Variants in LRP5 observed in about 807,000 individuals in gnomAD.
The protein encoded by LRP5 is low-density lipoprotein receptor-related protein 5.
LRP5 carries 62 observed loss-of-function variants against 154.1 expected under a neutral mutation model. The ratio of observed to expected loss-of-function variants is 0.40; its 90% CI spans 0.33 to 0.50. The LOEUF (loss-of-function observed/expected upper bound fraction) is 0.50, where lower values mean the gene tolerates loss of function less well. Among genes scored for constraint, LRP5 ranks in the 20% least tolerant of loss-of-function variants. LRP5 has a pLI of 0.55. For missense variants in LRP5, 1,915 were observed against 2,336.7 expected (o/e 0.82, Z 3.72); for synonymous variants, 966 against 1,011.5 (o/e 0.96, Z 0.85).
chr11:68,357,965 A>G, intron 3 of LRP5, 118 bp downstream of exon 3: 5 of 963,550 alleles, frequency 5.2e-6, no homozygotes, highest in Non-Finnish European at 6.4e-6. Context: ...GCCCTGAGGA[A>G]TGCAGGACTT....
chr11:68,386,780 C>G lies in LRP5; in HGVS notation c.1412+68C>G. ...AAGCACAGGCGAGAGGGAGATTGAC[C>G]TGGACCTGTCATTCTGGGACACTGT... On this transcript the variant is annotated intron_variant, in intron 6 of 22. Coordinates refer to ENST00000294304, the MANE Select transcript of LRP5 (RefSeq NM_002335.4). The surrounding 1 kb of genome is among the most constrained non-coding windows in gnomAD (Gnocchi z 7.9). 2 of 1,514,470 alleles carry G rather than the reference C, an allele frequency of 1.3e-6. No individual in the cohort carries two copies. The highest frequency in any genetic ancestry group is 3.9e-5 in the Admixed American group (2 of 50,924). 93.8% of individuals were successfully genotyped at this position (1,514,470 alleles called of 1,614,324 possible).
chr11:68,307,388 C>T, the LRP5 span, among the ~76,000 whole-genome samples: 1 of 151,454 alleles, frequency 6.6e-6, no homozygotes, highest in Non-Finnish European at 1.5e-5. Flanking sequence ...GATTATAGGC[C>T]GGGGGGTGGC....
chr11:68,448,539 C>T (rs1279340623), intron 22 of LRP5, among the ~76,000 whole-genome samples: 3 of 152,230 alleles, frequency 2.0e-5, no homozygotes, highest in Non-Finnish European at 4.4e-5. Flanking sequence ...CTAGAGGCCT[C>T]GTTCTCCTTA....
intron 5 of LRP5, among the ~76,000 whole-genome samples, chr11:68,381,315 G>T (rs1320791008): frequency 6.6e-6 from 1 of 152,332 alleles, no homozygotes; most frequent in East Asian, 1.9e-4. Flanking sequence ...CACCTGGTTG[G>T]TGGCGATGTG....
Position 68,416,671 on chromosome 11 carries a change from G to A in LRP5, c.3027+144G>A, listed in dbSNP as rs537161416. On this transcript the variant is annotated intron_variant, in intron 13 of 22. Coordinates refer to ENST00000294304, the MANE Select transcript of LRP5 (RefSeq NM_002335.4). ...TGATGACTTGGGCTTCGATTATGTA[G>A]TCACAGGGTATGACCCTGAGATGCG... The A allele has an allele frequency of 3.5e-5, 27 of 765,804 alleles. No homozygotes were observed. The East Asian group carries it at 6.2e-4, about 18-fold the overall frequency. 47.4% of individuals were successfully genotyped at this position (765,804 alleles called of 1,614,324 possible).
At chr11:68,384,394 A>G (rs781379928) in intron 5 of LRP5, among the ~76,000 whole-genome samples, 6 of 152,152 alleles carry the variant, frequency 3.9e-5, no homozygotes, top group Non-Finnish European at 7.4e-5. Flanking sequence ...GCCCCTTTGC[A>G]GATTGTGACC....
In LRP5 at chr11:68,390,063, T is replaced by C. The variant is rs1361551650; in HGVS notation, c.1584+11T>C. 6.2e-7 allele frequency: 1 copy of C among 1,614,144 alleles called. No homozygotes were observed. The highest frequency in any genetic ancestry group is 8.5e-7 in the Non-Finnish European group (1 of 1,179,990). On this transcript the variant is annotated intron_variant, in intron 7 of 22. Transcript: ENST00000294304. The stretch of plus-strand genomic sequence containing the variant: ...ACAGACAAGATCGAGGTGAGGCTCC[T>C]GTGGACATGTTTGATCCAGGAGGCC...
intron 21 of LRP5, chr11:68,445,537 G>C: frequency 8.2e-7 from 1 of 1,218,642 alleles, no homozygotes; most frequent in Non-Finnish European, 1.1e-6. Context: ...GAGTCCCTCG[G>C]GCATAACTGA....
chr11:68,365,798 A>C lies in LRP5; in HGVS notation c.1015+96A>C. The stretch of plus-strand genomic sequence containing the variant: ...GGGTGCCCCAGAAGGAACCTCGGCA[A>C]ACCCGTTCGAAATGATCCACTTGGC... On this transcript the variant is annotated intron_variant, in intron 5 of 22. Coordinates refer to ENST00000294304, the MANE Select transcript of LRP5 (RefSeq NM_002335.4). 5 of 1,267,368 alleles carry C rather than the reference A, an allele frequency of 3.9e-6. 1 individual carries two copies. In the Admixed American group the frequency reaches 1.2e-4, roughly 30 times the overall value. The allele number at this position is 1,267,368 out of a possible 1,614,324, so 78.5% of individuals were successfully genotyped here.
At position 68,333,157 on chromosome 11, in the gene LRP5, G is replaced by C. The variant is rs576813282; in HGVS notation, c.92-14690G>C. On this transcript the variant is annotated intron_variant, in intron 1 of 22. Transcript: ENST00000294304. ...GCCACCCCAGTAGGAGAGACGCGTA[G>C]ATGTTGAATACACTGTGAGCTGCGT... Among the ~76,000 whole-genome samples, 17 of 152,326 alleles carry C rather than the reference G, an allele frequency of 1.1e-4. No individual in the cohort carries two copies. The South Asian group carries it at 3.3e-3, about 30-fold the overall frequency.
chr11:68,346,173 C>A (rs767391656), intron 1 of LRP5, among the ~76,000 whole-genome samples: 33 of 152,322 alleles, frequency 2.2e-4, no homozygotes, highest in Non-Finnish European at 3.8e-4. Context: ...TTTAGCTTCC[C>A]ATGAAGTCCC....
chr11:68,412,222 G>T (rs114719633), intron 11 of LRP5, among the ~76,000 whole-genome samples: 4 of 152,150 alleles, frequency 2.6e-5, no homozygotes, highest in Admixed American at 2.6e-4. Flanking sequence ...AAAGGGGACC[G>T]CACACTCTGT....
At chr11:68,381,924 G>A (rs767792147) in intron 5 of LRP5, among the ~76,000 whole-genome samples, 20 of 152,208 alleles carry the variant, frequency 1.3e-4, no homozygotes, top group Non-Finnish European at 2.5e-4. Context: ...GGGCTGTGGC[G>A]GAGCCCAGGC....
intron 16 of LRP5, 61 bp from the exon 17 acceptor site, chr11:68,429,514 G>A: frequency 6.2e-7 from 1 of 1,610,860 alleles, no homozygotes; most frequent in Middle Eastern, 2.0e-4. Flanking sequence ...TACCCTCCAG[G>A]CTGTGGTTCT....
intron 1 of LRP5, among the ~76,000 whole-genome samples, chr11:68,326,068 C>T (rs185151105): frequency 5.9e-5 from 9 of 152,362 alleles, no homozygotes; most frequent in African/African-American, 1.7e-4. Context: ...CTCATGACAA[C>T]GTGGAGCCTA....
chr11:68,417,400 G>A (rs1055739042), intron 13 of LRP5, among the ~76,000 whole-genome samples: 5 of 148,680 alleles, frequency 3.4e-5, no homozygotes, highest in Admixed American at 2.0e-4. Flanking sequence ...ATGTGAAACC[G>A]TGCTGTGCTC....
chr11:68,421,369 A>G (rs1174332122), intron 13 of LRP5, among the ~76,000 whole-genome samples: 2 of 152,024 alleles, frequency 1.3e-5, no homozygotes, highest in African/African-American at 4.8e-5. Flanking sequence ...CACACAGTAC[A>G]CGTTTCTCAG....
intron 1 of LRP5, among the ~76,000 whole-genome samples, chr11:68,313,087 C>G (rs1423588181): frequency 2.0e-5 from 3 of 148,110 alleles, no homozygotes; most frequent in East Asian, 2.0e-4. Flanking sequence ...CTCACCTGCC[C>G]GAGCCCGCGG....
intron 1 of LRP5, among the ~76,000 whole-genome samples, chr11:68,343,684 G>A (rs1166162756): frequency 6.6e-6 from 1 of 152,140 alleles, no homozygotes; most frequent in East Asian, 1.9e-4. Flanking sequence ...TGTGCCACCA[G>A]TGCCCTCTGG....
Sources: gnomAD v4.1 joint callset for allele counts (sites outside exome capture counted in the v4.1 genomes callset) on GRCh38, gnomAD v4.1.1 for gene constraint, Gnocchi (gnomAD v3.1) non-coding constraint, MANE v1.5 for transcripts, NCBI Gene and HGNC (gene_info 2026-07-23, HGNC 2026-07-21) for gene names.